TSPAN11: variants seen among roughly 807,000 people sequenced by gnomAD.
The protein encoded by TSPAN11 is tetraspanin 11.
A neutral mutation model predicts 32.9 loss-of-function variants in TSPAN11; 29 were observed. The ratio of observed to expected loss-of-function variants is 0.88; its 90% CI spans 0.66 to 1.20. The LOEUF (loss-of-function observed/expected upper bound fraction) is 1.20. TSPAN11 is among the 50% of genes most tolerant of loss of function. TSPAN11 has a pLI of 0.00. For missense variants in TSPAN11, 283 were observed against 329.1 expected (o/e 0.86, Z 1.08); for synonymous variants, 140 against 141.3 (o/e 0.99, Z 0.07).
intron 2 of TSPAN11, among the ~76,000 whole-genome samples, chr12:30,956,954 C>T (rs1422534184): frequency 6.6e-6 from 1 of 152,184 alleles, no homozygotes; most frequent in African/African-American, 2.4e-5. Flanking sequence ...TGGTATTTCC[C>T]CGGGGACCGG....
In TSPAN11 at chr12:30,992,200, CA is replaced by C. The variant is rs1939328633; in HGVS notation, c.*286del. The C allele has an allele frequency of 5.8e-6, 3 of 516,144 alleles. No individual in the cohort carries two copies. Among genetic ancestry groups the C allele is most frequent in the Non-Finnish European group, 1.1e-5 (3 of 285,672 alleles). The allele number at this position is 516,144 out of a possible 1,614,324, so 32.0% of individuals were successfully genotyped here. A position where few individuals can be genotyped will look rare whatever the true frequency, so the allele number is the denominator to read the frequency against. On this transcript the variant is annotated 3_prime_UTR_variant, in exon 8 of 8. Coordinates refer to ENST00000546076, the MANE Select transcript of TSPAN11 (RefSeq NM_001370302.1). Reference sequence around the variant, plus strand: ...CAGAGCCCCTCACCAGGAACGGGGGCACCCGTGGACTACGGGAGGGTGGCGG... The same window carrying C: ...CAGAGCCCCTCACCAGGAACGGGGGCCCCGTGGACTACGGGAGGGTGGCGG...
At chr12:30,930,926 C>T (rs942679313) in intron 1 of TSPAN11, among the ~76,000 whole-genome samples, 1 of 152,246 alleles carries the variant, frequency 6.6e-6, no homozygotes, top group Non-Finnish European at 1.5e-5. Context: ...CCCTCTCTCA[C>T]TGCCCTGCAC....
At chr12:30,956,001 T>G (rs767356015) in intron 2 of TSPAN11, among the ~76,000 whole-genome samples, 2 of 152,234 alleles carry the variant, frequency 1.3e-5, no homozygotes, top group African/African-American at 2.4e-5. Context: ...CAGCCTCTGT[T>G]GACATTCCCT....
intron 3 of TSPAN11, among the ~76,000 whole-genome samples, chr12:30,972,231 A>G (rs940137455): frequency 6.6e-6 from 1 of 152,132 alleles, no homozygotes; most frequent in African/African-American, 2.4e-5. Flanking sequence ...GGTCAGTGGG[A>G]TAGGTTCAGG....
intron 3 of TSPAN11, among the ~76,000 whole-genome samples, chr12:30,976,573 C>T (rs1348753619): frequency 6.6e-6 from 1 of 152,174 alleles, no homozygotes; most frequent in Non-Finnish European, 1.5e-5. Context: ...CACTCAGTAC[C>T]ACACGCAGAC....
At chr12:30,951,043 C>A (rs1362837447) in intron 1 of TSPAN11, among the ~76,000 whole-genome samples, 1 of 152,132 alleles carries the variant, frequency 6.6e-6, no homozygotes, top group African/African-American at 2.4e-5. Flanking sequence ...CTGTAATATA[C>A]CTTTTTCAAT....
the TSPAN11 span, among the ~76,000 whole-genome samples, chr12:31,004,053 C>G: frequency 1.3e-5 from 2 of 152,330 alleles, no homozygotes; most frequent in Non-Finnish European, 1.5e-5. Context: ...GAGACCTCGT[C>G]TGGCTGGGAA....
At chr12:30,977,131 T>C (rs1003727146) in intron 3 of TSPAN11, among the ~76,000 whole-genome samples, 5 of 152,170 alleles carry the variant, frequency 3.3e-5, no homozygotes, top group African/African-American at 1.2e-4. Context: ...GGACCACAGT[T>C]CTTTTCCTGT....
At chr12:30,998,991 A>C (rs1204228913), downstream of TSPAN11, 2 of 152,224 alleles carry the variant, frequency 1.3e-5, no homozygotes, top group Non-Finnish European at 2.9e-5. Context: ...TGATGGGGCT[A>C]CATCTTGATA....
intron 5 of TSPAN11, among the ~76,000 whole-genome samples, chr12:30,981,240 T>C (rs1396817716): frequency 6.6e-6 from 1 of 152,126 alleles, no homozygotes; most frequent in South Asian, 2.1e-4. Context: ...GAGAAAGCAG[T>C]GGCTGCAGAG....
At chr12:30,964,510 T>C (rs1464583138) in intron 3 of TSPAN11, among the ~76,000 whole-genome samples, 2 of 152,076 alleles carry the variant, frequency 1.3e-5, no homozygotes, top group Non-Finnish European at 1.5e-5. Flanking sequence ...AGAGTGTTTT[T>C]CATGAAGCTC....
intron 1 of TSPAN11, among the ~76,000 whole-genome samples, chr12:30,941,366 C>A (rs1938160379): frequency 6.6e-6 from 1 of 152,232 alleles, no homozygotes; most frequent in Non-Finnish European, 1.5e-5. Flanking sequence ...ATGATAAACA[C>A]TAGCCACGGT....
intron 1 of TSPAN11, among the ~76,000 whole-genome samples, chr12:30,943,673 A>T (rs1364169536): frequency 6.6e-6 from 1 of 152,134 alleles, no homozygotes; most frequent in Admixed American, 6.6e-5. Context: ...CTTGATTCTC[A>T]CACAAAGGAG....
downstream of TSPAN11, chr12:30,998,818 CAAATTCTACTTT>C (rs1939450017): frequency 6.6e-6 from 1 of 152,178 alleles, no homozygotes; most frequent in Non-Finnish European, 1.5e-5. Context: ...TCACGAAGCC[CAAATTCTACTTT>C]AGAGAACCCT....
the TSPAN11 span, among the ~76,000 whole-genome samples, chr12:31,014,590 C>G: frequency 6.6e-6 from 1 of 152,152 alleles, no homozygotes; most frequent in African/African-American, 2.4e-5. Context: ...AATTGCACAA[C>G]TGGGAGTTCA....
intron 3 of TSPAN11, among the ~76,000 whole-genome samples, chr12:30,968,170 A>C (rs940290560): frequency 2.0e-5 from 3 of 152,244 alleles, no homozygotes; most frequent in Non-Finnish European, 4.4e-5. Context: ...CCAAAGGAGA[A>C]GGGCAGTGAG....
downstream of TSPAN11, chr12:30,997,296 CTG>C (rs1441283469): frequency 2.6e-5 from 4 of 152,196 alleles, no homozygotes; most frequent in Non-Finnish European, 5.9e-5. Flanking sequence ...ATTTCATTCA[CTG>C]TTCTGTCTAG....
chr12:30,986,146 C>G (rs1333972797), intron 7 of TSPAN11, among the ~76,000 whole-genome samples: 2 of 152,216 alleles, frequency 1.3e-5, no homozygotes, highest in Non-Finnish European at 2.9e-5. Context: ...TTTATCTCCC[C>G]TACATACCCA....
In TSPAN11 at chr12:30,967,740, G is replaced by A. The variant is rs539782931; in HGVS notation, c.276+3723G>A. ...CGCACACATGCACTCAGCCACCAAC[G>A]CAGGACTGTGGAGACAGGCATCTCT... On this transcript the variant is annotated intron_variant, in intron 3 of 7. Transcript: ENST00000546076. 6.8e-5 allele frequency among the ~76,000 whole-genome samples: 10 copies of A among 146,590 alleles called. No individual in the cohort carries two copies. The South Asian group carries it at 1.1e-3, about 16-fold the overall frequency.
Sources: allele counts gnomAD v4.1 joint callset (sites outside exome capture counted in the v4.1 genomes callset), GRCh38; gene constraint gnomAD v4.1.1; transcripts MANE v1.5; gene names NCBI Gene and HGNC (gene_info 2026-07-23, HGNC 2026-07-21).